NAV2: variants seen among roughly 807,000 people sequenced by gnomAD.
The protein encoded by NAV2 is helicase, APC down-regulated 1.
In NAV2, 54 loss-of-function variants were observed where a neutral mutation model predicts 223.2. The ratio of observed to expected loss-of-function variants is 0.24; its 90% CI spans 0.19 to 0.30. The LOEUF (loss-of-function observed/expected upper bound fraction) is 0.30. NAV2 is among the 10% of genes least tolerant of loss of function. NAV2 has a pLI of 1.00. For missense variants in NAV2, 2,806 were observed against 3,147.5 expected (o/e 0.89, Z 2.60); for synonymous variants, 1,279 against 1,239.3 (o/e 1.03, Z -0.67).
chr11:19,388,525 G>A (rs1401143264), intron 1 of NAV2, among the ~76,000 whole-genome samples: 1 of 152,160 alleles, frequency 6.6e-6, no homozygotes, highest in Non-Finnish European at 1.5e-5. Flanking sequence ...TGAACTTCCT[G>A]TACTGTAATC....
chr11:20,075,580 A>C lies in NAV2; in HGVS notation c.4984-1972A>C, dbSNP rs368971700. ...ATAGAGAGAGGGAGTGCAATGAGAG[A>C]GAAGCTAACTATTCCACTTAACATT... On this transcript the variant is annotated intron_variant, in intron 22 of 37. Transcript: ENST00000349880. Among the ~76,000 whole-genome samples, 142 of 152,146 alleles carry C rather than the reference A, an allele frequency of 9.3e-4. No homozygotes were observed. The South Asian group carries it at 0.019, about 21-fold the overall frequency.
chr11:19,824,523 T>A (rs1311186005), intron 1 of NAV2, among the ~76,000 whole-genome samples: 2 of 152,178 alleles, frequency 1.3e-5, no homozygotes, highest in African/African-American at 4.8e-5. Flanking sequence ...AGCAAAAGAC[T>A]TGCTTCTCTG....
At chr11:19,366,914 T>C (rs893038633) in intron 1 of NAV2, among the ~76,000 whole-genome samples, 8 of 152,222 alleles carry the variant, frequency 5.3e-5, no homozygotes, top group African/African-American at 1.9e-4. Flanking sequence ...GGAGATGCTA[T>C]GATATTCTAA....
At chr11:19,564,722 G>A (rs535812613) in intron 1 of NAV2, among the ~76,000 whole-genome samples, 3 of 152,326 alleles carry the variant, frequency 2.0e-5, no homozygotes, top group African/African-American at 7.2e-5. Context: ...AGTGCCCACC[G>A]TGTGCTATTC....
intron 1 of NAV2, among the ~76,000 whole-genome samples, chr11:19,806,533 C>T (rs1411975754): frequency 6.6e-6 from 1 of 152,222 alleles, no homozygotes; most frequent in African/African-American, 2.4e-5. Flanking sequence ...GATTGATAAC[C>T]TGGTCTTTGA....
At chr11:19,889,102 C>T (rs2041270982) in intron 5 of NAV2, among the ~76,000 whole-genome samples, 1 of 152,130 alleles carries the variant, frequency 6.6e-6, no homozygotes, top group Non-Finnish European at 1.5e-5. Context: ...GCTTTGAAAT[C>T]CTGCACTTGA....
At chr11:19,666,641 C>T (rs1488107319) in intron 1 of NAV2, among the ~76,000 whole-genome samples, 1 of 152,142 alleles carries the variant, frequency 6.6e-6, no homozygotes, top group Admixed American at 6.5e-5. Flanking sequence ...TGCCCTTTCT[C>T]TGTCTTTGCC....
At chr11:20,034,351 G>GTTTTTTTTTGTTTTTTTT in intron 11 of NAV2, among the ~76,000 whole-genome samples, 1 of 130,814 alleles carries the variant, frequency 7.6e-6, no homozygotes, top group Non-Finnish European at 1.6e-5. Flanking sequence ...CGATCAGCAA[G>GTTTTTTTTTGTTTTTTTT]TTTTTTTTTT....
At chr11:19,940,672 A>T (rs1418888352) in intron 8 of NAV2, among the ~76,000 whole-genome samples, 1 of 152,236 alleles carries the variant, frequency 6.6e-6, no homozygotes, top group East Asian at 1.9e-4. Flanking sequence ...TTTAATAGCC[A>T]CATTACAGCT....
intron 1 of NAV2, among the ~76,000 whole-genome samples, chr11:19,481,238 G>A (rs752422914): frequency 2.0e-4 from 31 of 152,196 alleles, no homozygotes; most frequent in East Asian, 1.9e-4. Flanking sequence ...CTTCTGGTTG[G>A]TAGAAAAGCC....
chr11:19,823,925 CAAG>C (rs2059521972), intron 1 of NAV2, among the ~76,000 whole-genome samples: 2 of 151,614 alleles, frequency 1.3e-5, no homozygotes, highest in African/African-American at 2.4e-5. Flanking sequence ...AAAAAAAAGA[CAAG>C]AAAAGAAAAG....
intron 22 of NAV2, among the ~76,000 whole-genome samples, chr11:20,075,484 G>T (rs563803521): frequency 6.6e-6 from 1 of 151,938 alleles, no homozygotes; most frequent in Non-Finnish European, 1.5e-5. Context: ...CTCAGGGTCC[G>T]CCCGCCTTAG....
intron 1 of NAV2, among the ~76,000 whole-genome samples, chr11:19,703,549 A>G (rs1285262702): frequency 6.6e-6 from 1 of 152,204 alleles, no homozygotes; most frequent in Non-Finnish European, 1.5e-5. Flanking sequence ...GCACCGCTGG[A>G]GCTGAGGCGG....
intron 1 of NAV2, among the ~76,000 whole-genome samples, chr11:19,778,682 C>T (rs1261834974): frequency 1.3e-5 from 2 of 152,186 alleles, no homozygotes; most frequent in Non-Finnish European, 2.9e-5. Flanking sequence ...TTTGGCCTGC[C>T]TAACTTTAAG....
At chr11:19,349,061 C>T (rs1163221827), upstream of NAV2, among the ~76,000 whole-genome samples, 1 of 152,186 alleles carries the variant, frequency 6.6e-6, no homozygotes, top group Non-Finnish European at 1.5e-5. Context: ...TCTAAAAGCT[C>T]AGCTACTTCC....
chr11:20,118,144 G>C lies in NAV2; in HGVS notation c.7176G>C (p.Leu2392=), dbSNP rs150690281. The change falls in exon 38 of 38, where the codon CTG becomes CTC. Residue 2392 remains leucine, a synonymous_variant. Coordinates refer to ENST00000349880, the MANE Select transcript of NAV2 (RefSeq NM_145117.5). ...DAEGDPLMNM[L]MRLQEAANYS... ...CACTCTTCCCCTAGATGAACATGCT[G>C]ATGAGGCTGCAGGAGGCAGCCAACT... 10 of 1,570,560 alleles carry C rather than the reference G, an allele frequency of 6.4e-6. No individual in the cohort carries two copies. The highest frequency in any genetic ancestry group is 8.7e-6 in the Non-Finnish European group (10 of 1,152,932).
intron 11 of NAV2, among the ~76,000 whole-genome samples, chr11:20,025,930 C>T (rs771745483): frequency 1.3e-5 from 2 of 152,216 alleles, no homozygotes; most frequent in Non-Finnish European, 2.9e-5. Context: ...TGCATGGACT[C>T]TCTCCCATAT....
intron 1 of NAV2, among the ~76,000 whole-genome samples, chr11:19,454,619 G>A (rs1365714774): frequency 6.6e-6 from 1 of 152,164 alleles, no homozygotes; most frequent in Non-Finnish European, 1.5e-5. Flanking sequence ...GAGCTGGGAG[G>A]CAAGACAGAC....
At chr11:19,849,268 G>A (rs933695155) in intron 3 of NAV2, among the ~76,000 whole-genome samples, 1 of 152,104 alleles carries the variant, frequency 6.6e-6, no homozygotes, top group South Asian at 2.1e-4. Context: ...ACAGAGAAGG[G>A]GTATCATAAA....
Sources: gnomAD v4.1 joint callset for allele counts (sites outside exome capture counted in the v4.1 genomes callset) on GRCh38, gnomAD v4.1.1 for gene constraint, MANE v1.5 for transcripts, NCBI Gene and HGNC (gene_info 2026-07-23, HGNC 2026-07-21) for gene names.